The following TTC28 variants were observed in gnomAD, a reference collection of about 807,000 sequenced individuals.
TTC28 encodes the protein tetratricopeptide repeat domain 28.
Under a neutral mutation model 198.0 loss-of-function variants are expected in TTC28, and 61 were observed. That is an observed-to-expected ratio of 0.31 (90% CI 0.25 to 0.38). The LOEUF is 0.38. TTC28 is among the 10% of genes least tolerant of loss of function. The probability of loss-of-function intolerance (pLI) is 1.00; values close to 1 mark genes in which losing one functional copy is unlikely to be tolerated. For missense variants in TTC28, 2,678 were observed against 3,164.0 expected (o/e 0.85, Z 3.69); for synonymous variants, 1,171 against 1,297.8 (o/e 0.90, Z 2.10).
intron 2 of TTC28, among the ~76,000 whole-genome samples, chr22:28,540,965 G>A (rs2049398842): frequency 6.6e-6 from 1 of 152,108 alleles, no homozygotes; most frequent in Non-Finnish European, 1.5e-5. Flanking sequence ...TAAAATAAGG[G>A]AGACTAGCTG....
intron 12 of TTC28, among the ~76,000 whole-genome samples, chr22:28,036,519 G>C (rs557834370): frequency 6.6e-6 from 1 of 152,210 alleles, no homozygotes. Flanking sequence ...ATTTAAAGCA[G>C]TGTGTAGAGG....
chr22:28,564,077 C>T (rs1040083435), intron 2 of TTC28, among the ~76,000 whole-genome samples: 12 of 152,044 alleles, frequency 7.9e-5, no homozygotes, highest in Non-Finnish European at 1.8e-4. Flanking sequence ...ATTAAATACC[C>T]AGAATAGGTA....
intron 2 of TTC28, among the ~76,000 whole-genome samples, chr22:28,585,003 G>GAAGA (rs1336439024): frequency 2.6e-5 from 4 of 152,110 alleles, no homozygotes; most frequent in Admixed American, 2.6e-4. Flanking sequence ...GTCTGGCTCT[G>GAAGA]AAGAAAGAAA....
intron 2 of TTC28, among the ~76,000 whole-genome samples, chr22:28,365,718 A>G (rs554799196): frequency 6.6e-6 from 1 of 152,310 alleles, no homozygotes; most frequent in South Asian, 2.1e-4. Flanking sequence ...ACACATGCAT[A>G]TTTGTCTGTG....
At chr22:28,404,133 T>G (rs2046961621) in intron 2 of TTC28, among the ~76,000 whole-genome samples, 1 of 152,208 alleles carries the variant, frequency 6.6e-6, no homozygotes, top group Non-Finnish European at 1.5e-5. Context: ...TTGTTTGTTT[T>G]TTGTGAGACA....
chr22:28,073,038 C>T (rs1299985340), intron 12 of TTC28, among the ~76,000 whole-genome samples: 3 of 152,080 alleles, frequency 2.0e-5, no homozygotes, highest in African/African-American at 7.2e-5. Context: ...ATCATAAGAG[C>T]CCAGCCTGGC....
At chr22:28,404,817 C>T (rs1169578405) in intron 2 of TTC28, among the ~76,000 whole-genome samples, 1 of 152,190 alleles carries the variant, frequency 6.6e-6, no homozygotes, top group Non-Finnish European at 1.5e-5. Context: ...ATAATGATCA[C>T]CACCAAGGGC....
chr22:28,283,021 C>T (rs988248876), intron 5 of TTC28, among the ~76,000 whole-genome samples: 4 of 152,134 alleles, frequency 2.6e-5, no homozygotes, highest in African/African-American at 4.8e-5. Flanking sequence ...CAGACTCAGC[C>T]GATTTATAAT....
At chr22:28,632,352 C>G (rs1040913231) in intron 1 of TTC28, among the ~76,000 whole-genome samples, 1 of 135,496 alleles carries the variant, frequency 7.4e-6, no homozygotes, top group African/African-American at 2.7e-5. Flanking sequence ...ATTGCAACCT[C>G]TGCAACCTCT....
intron 11 of TTC28, among the ~76,000 whole-genome samples, chr22:28,094,582 T>C (rs748581741): frequency 2.6e-5 from 4 of 152,208 alleles, no homozygotes; most frequent in African/African-American, 7.2e-5. Flanking sequence ...CTTTCAGGAA[T>C]AGTGCATGAG....
chr22:28,171,840 G>A (rs1922711777), intron 5 of TTC28, among the ~76,000 whole-genome samples: 2 of 152,134 alleles, frequency 1.3e-5, no homozygotes, highest in Admixed American at 1.3e-4. Flanking sequence ...AGTCAACAAA[G>A]AGCATGTCAC....
chr22:28,167,676 T>C (rs773981934), intron 5 of TTC28, among the ~76,000 whole-genome samples: 1 of 152,160 alleles, frequency 6.6e-6, no homozygotes, highest in Non-Finnish European at 1.5e-5. Flanking sequence ...TATCTCAAAA[T>C]AGTAAGAGCT....
chr22:28,293,097 A>G (rs1047086313), intron 5 of TTC28, among the ~76,000 whole-genome samples: 2 of 152,248 alleles, frequency 1.3e-5, no homozygotes, highest in Non-Finnish European at 2.9e-5. Context: ...GATTTCCAGT[A>G]AAACATGGGC....
intron 2 of TTC28, chr22:28,459,877 A>G (rs1389240026): frequency 2.0e-5 from 3 of 152,210 alleles, no homozygotes; most frequent in Non-Finnish European, 4.4e-5. Context: ...AGGGTTGGCT[A>G]TAACTATCAT....
intron 5 of TTC28, among the ~76,000 whole-genome samples, chr22:28,200,064 GAAAT>G (rs1467950015): frequency 6.6e-6 from 1 of 151,914 alleles, no homozygotes; most frequent in Non-Finnish European, 1.5e-5. Context: ...AAATTAAAAA[GAAAT>G]AAAACTTTAT....
intron 12 of TTC28, among the ~76,000 whole-genome samples, chr22:28,060,827 A>C (rs1051472137): frequency 6.6e-6 from 1 of 151,416 alleles, no homozygotes; most frequent in Non-Finnish European, 1.5e-5. Flanking sequence ...TGTTGTTTAC[A>C]GTACACCAAC....
chr22:28,155,188 A>G (rs1943724447), intron 6 of TTC28, among the ~76,000 whole-genome samples: 1 of 152,200 alleles, frequency 6.6e-6, no homozygotes, highest in Non-Finnish European at 1.5e-5. Context: ...AGAAATACAT[A>G]CCAGGAGTAT....
intron 12 of TTC28, among the ~76,000 whole-genome samples, chr22:28,077,897 C>T (rs1941219604): frequency 6.6e-6 from 1 of 152,146 alleles, no homozygotes; most frequent in Non-Finnish European, 1.5e-5. Flanking sequence ...TGAACAAAGC[C>T]CTACCCAGTC....
In TTC28 at chr22:28,358,351, T is replaced by A. The variant is rs553964356; in HGVS notation, c.382-51708A>T. On this transcript the variant is annotated intron_variant, in intron 2 of 22. Transcript: ENST00000397906. ...GCAGAATCTGTCTCTAATACACTGG[T>A]CACAGGCTCTATTACTAGCTCTTTT... Among the ~76,000 whole-genome samples the A allele has an allele frequency of 2.0e-5, 3 of 152,288 alleles. No homozygotes were observed. The South Asian group carries it at 6.2e-4, about 32-fold the overall frequency.
Sources: gnomAD v4.1 joint callset for allele counts (sites outside exome capture counted in the v4.1 genomes callset) on GRCh38, gnomAD v4.1.1 for gene constraint, MANE v1.5 for transcripts, NCBI Gene and HGNC (gene_info 2026-07-23, HGNC 2026-07-21) for gene names.